The following FARSB variants were observed in gnomAD, a reference collection of about 807,000 sequenced individuals.
FARSB encodes phenylalanine--tRNA ligase beta subunit.
FARSB carries 40 observed loss-of-function variants against 69.6 expected under a neutral mutation model. The observed-to-expected ratio is 0.57, with a 90% CI of 0.45 to 0.75. FARSB has a LOEUF of 0.75. FARSB is among the 30% of genes least tolerant of loss of function. The probability of loss-of-function intolerance (pLI) is 0.00; values close to 1 mark genes in which losing one functional copy is unlikely to be tolerated. For missense variants in FARSB, 632 were observed against 722.9 expected, an observed-to-expected ratio of 0.87 and a Z score of 1.44; for synonymous variants, 235 against 247.2, an observed-to-expected ratio of 0.95 and a Z score of 0.46.
chr2:222,577,726 C>T (rs567516356), intron 16 of FARSB, among the ~76,000 whole-genome samples: 1 of 152,166 alleles, frequency 6.6e-6, no homozygotes, highest in Non-Finnish European at 1.5e-5. Flanking sequence ...TATTTAGAAT[C>T]GTAACTCCAA....
intron 6 of FARSB, among the ~76,000 whole-genome samples, chr2:222,633,907 CGAA>C (rs1691508253): frequency 1.3e-5 from 2 of 152,102 alleles, no homozygotes. Flanking sequence ...TAGATAAATA[CGAA>C]GAAGTCACTT....
At chr2:222,603,686 ATAT>A (rs1041969692) in intron 15 of FARSB, among the ~76,000 whole-genome samples, 128 of 75,960 alleles carry the variant, frequency 1.7e-3, no homozygotes, top group African/African-American at 4.1e-3. Context: ...ATTATATTAT[ATAT>A]TATTATATAT....
intron 16 of FARSB, among the ~76,000 whole-genome samples, chr2:222,589,240 C>T (rs1690200394): frequency 6.6e-6 from 1 of 152,098 alleles, no homozygotes; most frequent in Admixed American, 6.5e-5. Flanking sequence ...TTTGACAAAC[C>T]TGACAAAAAC....
In FARSB at chr2:222,569,726, C is replaced by A. The variant is rs1263570124; in HGVS notation, c.*2145G>T. 1 of 152,162 alleles carries A rather than the reference C, an allele frequency of 6.6e-6. No homozygotes were observed. Among genetic ancestry groups the A allele is most frequent in the Non-Finnish European group, 1.5e-5 (1 of 68,026 alleles). 9.4% of individuals were successfully genotyped at this position (152,162 alleles called of 1,614,324 possible). A position where few individuals can be genotyped will look rare whatever the true frequency, so the allele number is the denominator to read the frequency against. Reference sequence around the variant, plus strand: ...TCAGGTAAATAGAATTAAATAGAGTCTTTTGTGTCTCTTGCTTTCACTTAG... The same window carrying A: ...TCAGGTAAATAGAATTAAATAGAGTATTTTGTGTCTCTTGCTTTCACTTAG... On this transcript the variant is annotated 3_prime_UTR_variant, in exon 17 of 17. Coordinates refer to ENST00000281828, the MANE Select transcript of FARSB (RefSeq NM_005687.5).
At chr2:222,589,699 C>T (rs949620929) in intron 16 of FARSB, among the ~76,000 whole-genome samples, 10 of 151,948 alleles carry the variant, frequency 6.6e-5, no homozygotes, top group South Asian at 2.1e-4. Context: ...AAAAAGTAGG[C>T]GAAGGATATC....
intron 14 of FARSB, 51 bp downstream of exon 14, chr2:222,619,594 T>C (rs753603341): frequency 4.0e-5 from 35 of 873,336 alleles, no homozygotes; most frequent in Non-Finnish European, 5.6e-5. Flanking sequence ...TCCTAACTCA[T>C]GTACTACCTC....
chr2:222,646,500 C>T (rs946876866), intron 2 of FARSB, among the ~76,000 whole-genome samples: 1 of 152,114 alleles, frequency 6.6e-6, no homozygotes, highest in Non-Finnish European at 1.5e-5. Context: ...AGATGGTAAC[C>T]ATATTCTTTT....
chr2:222,641,594 C>T (rs1463185478), intron 3 of FARSB, among the ~76,000 whole-genome samples: 2 of 152,218 alleles, frequency 1.3e-5, no homozygotes, highest in East Asian at 3.8e-4. Flanking sequence ...TCAGATGCTG[C>T]TGGTCCATGG....
intron 5 of FARSB, among the ~76,000 whole-genome samples, chr2:222,639,270 A>G (rs1224548713): frequency 6.6e-6 from 1 of 152,256 alleles, no homozygotes; most frequent in Non-Finnish European, 1.5e-5. Flanking sequence ...AACAAAAAGC[A>G]GGGAAGTCTC....
intron 15 of FARSB, among the ~76,000 whole-genome samples, chr2:222,603,508 TTATC>T (rs749162480): frequency 4.6e-5 from 7 of 151,760 alleles, no homozygotes; most frequent in Non-Finnish European, 7.4e-5. Flanking sequence ...ATCTGTCAAT[TTATC>T]TATAATCTTA....
chr2:222,627,202 C>T (rs776357294), intron 10 of FARSB, among the ~76,000 whole-genome samples: 6 of 152,170 alleles, frequency 3.9e-5, no homozygotes, highest in Non-Finnish European at 7.3e-5. Context: ...GTGACACTGC[C>T]AATCTTCCAA....
At chr2:222,638,118 TAAAG>T (rs945468375) in intron 5 of FARSB, among the ~76,000 whole-genome samples, 3 of 152,134 alleles carry the variant, frequency 2.0e-5, no homozygotes, top group Admixed American at 2.0e-4. Flanking sequence ...AAAAGGATAA[TAAAG>T]AAACATTATG....
At chr2:222,598,684 C>G (rs1690485613) in intron 16 of FARSB, among the ~76,000 whole-genome samples, 1 of 152,084 alleles carries the variant, frequency 6.6e-6, no homozygotes, top group Admixed American at 6.6e-5. Flanking sequence ...TATACAGGCA[C>G]TAAAAAGGCA....
intron 1 of FARSB, among the ~76,000 whole-genome samples, chr2:222,651,313 GA>G (rs1337044243): frequency 6.6e-6 from 1 of 152,036 alleles, no homozygotes; most frequent in East Asian, 1.9e-4. Context: ...GTGCTTATGT[GA>G]AAAAAAGAGA....
chr2:222,595,739 A>T (rs1690394040), intron 16 of FARSB, among the ~76,000 whole-genome samples: 1 of 152,194 alleles, frequency 6.6e-6, no homozygotes, highest in African/African-American at 2.4e-5. Flanking sequence ...ACATTCTACA[A>T]GAAATAATTT....
In FARSB at chr2:222,571,107, A is replaced by G. The variant is rs1689708824; in HGVS notation, c.*764T>C. ...ATTTAAAACCATGATTTTATAACTG[A>G]CTGATTACAGTAACATGTATGGCCT... On this transcript the variant is annotated 3_prime_UTR_variant, in exon 17 of 17. Coordinates refer to ENST00000281828, the MANE Select transcript of FARSB (RefSeq NM_005687.5). 6.6e-6 allele frequency: 1 copy of G among 152,208 alleles called. No homozygotes were observed. Among genetic ancestry groups the G allele is most frequent in the Non-Finnish European group, 1.5e-5 (1 of 68,042 alleles). The allele number at this position is 152,208 out of a possible 1,614,324, so 9.4% of individuals were successfully genotyped here.
chr2:222,601,932 GA>G (rs1690571023), intron 15 of FARSB, among the ~76,000 whole-genome samples: 1 of 152,156 alleles, frequency 6.6e-6, no homozygotes, highest in Admixed American at 6.5e-5. Context: ...CAAAGTGCTG[GA>G]ATTAAGGTGT....
chr2:222,576,035 C>A (rs1384616389), intron 16 of FARSB, among the ~76,000 whole-genome samples: 1 of 150,800 alleles, frequency 6.6e-6, no homozygotes, highest in East Asian at 1.9e-4. Flanking sequence ...AAGCTTTACA[C>A]GTAGAGTCAT....
At chr2:222,590,017 A>G (rs1236846642) in intron 16 of FARSB, among the ~76,000 whole-genome samples, 1 of 152,212 alleles carries the variant, frequency 6.6e-6, no homozygotes, top group Non-Finnish European at 1.5e-5. Flanking sequence ...ATTACTGGGT[A>G]TATACCCAAA....
Sources: gnomAD v4.1 joint callset for allele counts (sites outside exome capture counted in the v4.1 genomes callset) on GRCh38, gnomAD v4.1.1 for gene constraint, MANE v1.5 for transcripts, NCBI Gene and HGNC (gene_info 2026-07-23, HGNC 2026-07-21) for gene names.